GLIS3: variants seen among roughly 807,000 people sequenced by gnomAD.
GLIS3 encodes the protein GLIS family zinc finger 3.
Under a neutral mutation model 78.6 loss-of-function variants are expected in GLIS3, and 53 were observed. That is an observed-to-expected ratio of 0.67 (90% confidence interval 0.54 to 0.85). The LOEUF is 0.85. GLIS3 is among the 40% of genes least tolerant of loss of function. The pLI is 0.00. For missense variants in GLIS3, 1,703 were observed against 1,231.1 expected (o/e 1.38, Z -5.74); for synonymous variants, 684 against 509.9 (o/e 1.34, Z -4.60).
In GLIS3 at chr9:4,150,612, A is replaced by G. The variant is rs567183957; in HGVS notation, c.389-24671T>C. 2.6e-5 allele frequency among the ~76,000 whole-genome samples: 4 copies of G among 152,326 alleles called. No individual in the cohort carries two copies. In the South Asian group the frequency reaches 6.2e-4, roughly 24 times the overall value. On this transcript the variant is annotated intron_variant, in intron 2 of 10. Coordinates refer to ENST00000381971, the MANE Select transcript of GLIS3 (RefSeq NM_001042413.2). ...TTACTCTCTCATATCTTAAAAGACT[A>G]TCTTTAAACCAGAATAGATGATGAA...
At chr9:4,477,397 C>T in the GLIS3 span, among the ~76,000 whole-genome samples, 1 of 137,736 alleles carries the variant, frequency 7.3e-6, no homozygotes, top group Non-Finnish European at 1.5e-5. Context: ...GGGAATAGGA[C>T]ATTAGTGTGT....
At chr9:3,945,675 G>A (rs1816244590) in intron 4 of GLIS3, among the ~76,000 whole-genome samples, 1 of 152,092 alleles carries the variant, frequency 6.6e-6, no homozygotes, top group African/African-American at 2.4e-5. Flanking sequence ...CAATATTTTT[G>A]TATTAAAATA....
chr9:3,928,903 A>G lies in GLIS3; in HGVS notation c.1983+3457T>C, dbSNP rs551182213. Among the ~76,000 whole-genome samples the G allele has an allele frequency of 7.9e-5, 12 of 152,352 alleles. No individual in the cohort carries two copies. The South Asian group carries it at 2.5e-3, about 32-fold the overall frequency. ...CTAACTTCCGGCATCCTTTGTATGCACTTTTAAAAAGTCCATTTCGATATC... is the reference window on the plus strand; with the variant it reads ...CTAACTTCCGGCATCCTTTGTATGCGCTTTTAAAAAGTCCATTTCGATATC... On this transcript the variant is annotated intron_variant, in intron 6 of 10. Transcript: ENST00000381971.
At chr9:4,066,752 G>A (rs1185104898) in intron 4 of GLIS3, among the ~76,000 whole-genome samples, 1 of 152,236 alleles carries the variant, frequency 6.6e-6, no homozygotes, top group African/African-American at 2.4e-5. Context: ...GAGAGACACT[G>A]CAAGGTGAAG....
the GLIS3 span, among the ~76,000 whole-genome samples, chr9:4,371,168 T>C: frequency 1.3e-5 from 2 of 152,364 alleles, no homozygotes; most frequent in African/African-American, 4.8e-5. Context: ...GCCTGGTTAC[T>C]AGGCTTGGCA....
At chr9:4,058,666 T>G (rs1826348231) in intron 4 of GLIS3, among the ~76,000 whole-genome samples, 1 of 152,174 alleles carries the variant, frequency 6.6e-6, no homozygotes, top group Admixed American at 6.5e-5. Flanking sequence ...GTCTTATAAC[T>G]GACTTTGTGC....
chr9:3,933,832 T>C (rs1563865920), intron 5 of GLIS3, among the ~76,000 whole-genome samples: 1 of 152,228 alleles, frequency 6.6e-6, no homozygotes, highest in African/African-American at 2.4e-5. Context: ...AGAAGCCATA[T>C]TTATGGTTCA....
intron 2 of GLIS3, among the ~76,000 whole-genome samples, chr9:4,260,325 G>A (rs1044530319): frequency 3.3e-5 from 5 of 152,282 alleles, no homozygotes; most frequent in Admixed American, 2.0e-4. Context: ...CCAGCACTTT[G>A]GGAGGCCGAG....
At chr9:4,454,870 T>C in the GLIS3 span, among the ~76,000 whole-genome samples, 2 of 152,300 alleles carry the variant, frequency 1.3e-5, no homozygotes, top group Middle Eastern at 6.8e-3. Context: ...GAAGAAATTT[T>C]TGTTTCATAT....
intron 4 of GLIS3, among the ~76,000 whole-genome samples, chr9:4,040,102 C>T (rs1323634565): frequency 6.6e-6 from 1 of 152,182 alleles, no homozygotes; most frequent in Non-Finnish European, 1.5e-5. Flanking sequence ...GCCCCCTACA[C>T]AGTCCTGGTA....
At chr9:4,133,842 AC>A (rs1833167320) in intron 2 of GLIS3, among the ~76,000 whole-genome samples, 2 of 59,154 alleles carry the variant, frequency 3.4e-5, no homozygotes, top group Non-Finnish European at 6.8e-5. Flanking sequence ...ACACACACAC[AC>A]ACACACACAC....
At chr9:4,184,998 C>A (rs1280197162) in intron 2 of GLIS3, among the ~76,000 whole-genome samples, 1 of 152,160 alleles carries the variant, frequency 6.6e-6, no homozygotes, top group African/African-American at 2.4e-5. Flanking sequence ...TAAAATTCAC[C>A]TTTGATTATT....
chr9:4,274,826 G>A (rs1826838714), intron 2 of GLIS3, among the ~76,000 whole-genome samples: 1 of 152,124 alleles, frequency 6.6e-6, no homozygotes, highest in African/African-American at 2.4e-5. Flanking sequence ...TGATTCAAGA[G>A]GTCTGGAGTG....
chr9:4,194,000 T>C (rs1753979441), intron 2 of GLIS3, among the ~76,000 whole-genome samples: 1 of 152,248 alleles, frequency 6.6e-6, no homozygotes, highest in Non-Finnish European at 1.5e-5. Flanking sequence ...TTATGTAATT[T>C]TGTGGCTGCT....
intron 4 of GLIS3, among the ~76,000 whole-genome samples, chr9:4,046,158 AG>A (rs1193294054): frequency 1.3e-4 from 20 of 152,298 alleles, no homozygotes; most frequent in Admixed American, 1.0e-3. Flanking sequence ...TAAATTATAG[AG>A]GGGGGTGTAA....
chr9:4,204,492 T>C (rs1033242715), intron 2 of GLIS3, among the ~76,000 whole-genome samples: 5 of 152,080 alleles, frequency 3.3e-5, no homozygotes, highest in Middle Eastern at 3.4e-3. Context: ...GGGAAACCAA[T>C]ACTTATTAAC....
intron 2 of GLIS3, among the ~76,000 whole-genome samples, chr9:4,132,456 C>A (rs1293659644): frequency 6.6e-6 from 1 of 152,166 alleles, no homozygotes; most frequent in African/African-American, 2.4e-5. Flanking sequence ...TCATTCAGAA[C>A]TATTTATGTG....
the GLIS3 span, among the ~76,000 whole-genome samples, chr9:4,473,762 C>T: frequency 1.3e-5 from 2 of 152,066 alleles, no homozygotes; most frequent in Admixed American, 1.3e-4. Flanking sequence ...CCAACCTGCA[C>T]ATGCACCCCT....
chr9:3,985,212 G>C (rs1473664820), intron 4 of GLIS3, among the ~76,000 whole-genome samples: 2 of 152,130 alleles, frequency 1.3e-5, no homozygotes, highest in East Asian at 1.9e-4. Flanking sequence ...TAAAGAGCTT[G>C]GCTCACTGCA....
Sources: allele counts gnomAD v4.1 joint callset (sites outside exome capture counted in the v4.1 genomes callset), GRCh38; gene constraint gnomAD v4.1.1; transcripts MANE v1.5; gene names NCBI Gene and HGNC (gene_info 2026-07-23, HGNC 2026-07-21).